Variants in PCDHA10 observed in about 807,000 individuals in gnomAD.
PCDHA10 encodes protocadherin alpha-10.
PCDHA10 carries 45 observed loss-of-function variants against 61.2 expected under a neutral mutation model. That is an observed-to-expected ratio of 0.74 (90% CI 0.58 to 0.94). PCDHA10 has a LOEUF of 0.94. Among genes scored for constraint, PCDHA10 ranks in the 40% least tolerant of loss-of-function variants. PCDHA10 has a pLI of 0.00. For synonymous variants in PCDHA10, 602 were observed against 548.8 expected (o/e 1.10, Z -1.35); for missense variants, 1,278 against 1,236.2 (o/e 1.03, Z -0.51).
At chr5:140,901,942 T>C (rs1307043698) in intron 1 of PCDHA10, among the ~76,000 whole-genome samples, 4 of 152,128 alleles carry the variant, frequency 2.6e-5, no homozygotes, top group Non-Finnish European at 5.9e-5. Flanking sequence ...TAGGTATATT[T>C]AGTTTTATTC....
At chr5:140,971,096 A>G (rs1240805149) in intron 1 of PCDHA10, among the ~76,000 whole-genome samples, 1 of 152,180 alleles carries the variant, frequency 6.6e-6, no homozygotes, top group African/African-American at 2.4e-5. Context: ...ATTCTTGTGA[A>G]GCCCTTTGGG....
At chr5:140,990,740 G>A (rs76434886) in intron 3 of PCDHA10, among the ~76,000 whole-genome samples, 1 of 152,170 alleles carries the variant, frequency 6.6e-6, no homozygotes, top group African/African-American at 2.4e-5. Flanking sequence ...AACAGCCCTA[G>A]GGTGGATACC....
chr5:140,863,411 T>G, intron 1 of PCDHA10: 4 of 754,032 alleles, frequency 5.3e-6, no homozygotes, highest in African/African-American at 1.8e-5. Context: ...CCCACGCTGG[T>G]GTACCGCAGC....
In PCDHA10 at chr5:140,968,743, C is replaced by G. The variant is rs112674082; in HGVS notation, c.2389-10206C>G. Reference sequence around the variant, plus strand: ...AGAGTGGTAGCACTTTCAACCTGACCGTGGTGGTCCGAGATAATGGAGAGC... The same window carrying G: ...AGAGTGGTAGCACTTTCAACCTGACGGTGGTGGTCCGAGATAATGGAGAGC... On this transcript the variant is annotated intron_variant, in intron 1 of 3. Transcript: ENST00000307360. 10 of 1,614,060 alleles carry G rather than the reference C, an allele frequency of 6.2e-6. No homozygotes were observed. The South Asian group carries it at 9.9e-5, about 16-fold the overall frequency.
intron 1 of PCDHA10, chr5:140,862,703 A>G (rs2047499886): frequency 3.6e-6 from 2 of 558,206 alleles, no homozygotes; most frequent in East Asian, 4.9e-5. Flanking sequence ...TTGATGGAAC[A>G]GCGGGTGGGC....
At chr5:140,873,141 C>A (rs1275722582) in intron 1 of PCDHA10, among the ~76,000 whole-genome samples, 3 of 152,064 alleles carry the variant, frequency 2.0e-5, no homozygotes, top group African/African-American at 7.2e-5. Flanking sequence ...TATGCTGAAG[C>A]CTATTCATAG....
chr5:140,879,895 G>A (rs1176160335), intron 1 of PCDHA10, among the ~76,000 whole-genome samples: 2 of 152,112 alleles, frequency 1.3e-5, no homozygotes, highest in African/African-American at 4.8e-5. Context: ...TCCTCTCCAT[G>A]TCTCTCTCTA....
chr5:140,967,736 G>A (rs1554229871), intron 1 of PCDHA10: 4 of 1,614,162 alleles, frequency 2.5e-6, no homozygotes, highest in Non-Finnish European at 3.4e-6. Context: ...TGGGGGGCTG[G>A]ATTATGAGGA....
chr5:140,952,010 C>A (rs1188540877), intron 1 of PCDHA10, among the ~76,000 whole-genome samples: 2 of 152,128 alleles, frequency 1.3e-5, no homozygotes, highest in Non-Finnish European at 2.9e-5. Flanking sequence ...GAATTATAGG[C>A]CCCATGCAAG....
intron 3 of PCDHA10, among the ~76,000 whole-genome samples, chr5:141,000,395 C>CTATA (rs1190667031): frequency 1.7e-4 from 9 of 53,980 alleles, no homozygotes; most frequent in Admixed American, 6.3e-4. Flanking sequence ...CTCTCTCTCT[C>CTATA]TATATATATA....
chr5:140,908,494 C>A (rs559456993), intron 1 of PCDHA10, among the ~76,000 whole-genome samples: 1 of 152,310 alleles, frequency 6.6e-6, no homozygotes, highest in East Asian at 1.9e-4. Flanking sequence ...GTTCAGGTTG[C>A]TTGGTGACTT....
At chr5:140,952,345 A>G (rs1199209045) in intron 1 of PCDHA10, among the ~76,000 whole-genome samples, 2 of 151,900 alleles carry the variant, frequency 1.3e-5, no homozygotes, top group Non-Finnish European at 2.9e-5. Context: ...TCTCAAAAAA[A>G]AAAAAAAAAG....
intron 1 of PCDHA10, chr5:140,871,394 C>G (rs782179742): frequency 6.2e-7 from 1 of 1,614,042 alleles, no homozygotes; most frequent in Admixed American, 1.7e-5. Context: ...GAGGGCCCAC[C>G]TAAGACGGAC....
At chr5:140,868,440 G>A (rs2050457998) in intron 1 of PCDHA10, 1 of 152,152 alleles carries the variant, frequency 6.6e-6, no homozygotes, top group Admixed American at 6.6e-5. Flanking sequence ...AGATCATGTG[G>A]AACATAAACA....
Position 140,967,862 on chromosome 5 carries a change from G to T in PCDHA10, c.2389-11087G>T, listed in dbSNP as rs781878230. On this transcript the variant is annotated intron_variant, in intron 1 of 3. Transcript: ENST00000307360. ...CGTGAATGACAATGCCCCAGAGGTG[G>T]TGCTCACGGACCTGTATAGCCCAGT... The T allele has an allele frequency of 8.1e-6, 13 of 1,614,170 alleles. No individual in the cohort carries two copies. The East Asian group carries it at 2.5e-4, about 30-fold the overall frequency.
chr5:140,920,728 C>T (rs781955762), intron 1 of PCDHA10, among the ~76,000 whole-genome samples: 8 of 151,974 alleles, frequency 5.3e-5, no homozygotes, highest in Non-Finnish European at 1.0e-4. Context: ...CCTGCAGTCC[C>T]AGCTACTCAG....
chr5:140,906,877 A>G (rs1361751716), intron 1 of PCDHA10, among the ~76,000 whole-genome samples: 1 of 152,122 alleles, frequency 6.6e-6, no homozygotes, highest in Non-Finnish European at 1.5e-5. Context: ...CAACACTGTA[A>G]CTTCCTTCTT....
intron 1 of PCDHA10, chr5:140,876,018 A>G: frequency 6.2e-7 from 1 of 1,613,764 alleles, no homozygotes; most frequent in East Asian, 2.2e-5. Flanking sequence ...AGCTTAAAAT[A>G]AAAACAAAAA....
chr5:140,958,020 A>G (rs536128192), intron 1 of PCDHA10, among the ~76,000 whole-genome samples: 90 of 152,262 alleles, frequency 5.9e-4, no homozygotes, highest in African/African-American at 2.1e-3. Context: ...TCAGCCAAGT[A>G]TACTATGCTT....
Sources: gnomAD v4.1 joint callset for allele counts (sites outside exome capture counted in the v4.1 genomes callset) on GRCh38, gnomAD v4.1.1 for gene constraint, MANE v1.5 for transcripts, NCBI Gene and HGNC (gene_info 2026-07-23, HGNC 2026-07-21) for gene names.